SMG7: variants seen among roughly 807,000 people sequenced by gnomAD.
SMG7 encodes nonsense-mediated mRNA decay factor SMG7.
A neutral mutation model predicts 148.2 loss-of-function variants in SMG7; 34 were observed. The ratio of observed to expected loss-of-function variants is 0.23; its 90% CI spans 0.17 to 0.31. The LOEUF (loss-of-function observed/expected upper bound fraction) is 0.31. Among genes scored for constraint, SMG7 ranks in the 10% least tolerant of loss-of-function variants. The pLI is 1.00. For synonymous variants in SMG7, 492 were observed against 515.1 expected, an observed-to-expected ratio of 0.96 and a Z score of 0.61; for missense variants, 1,114 against 1,408.4, an observed-to-expected ratio of 0.79 and a Z score of 3.35.
At chr1:183,533,377 T>G in intron 9 of SMG7, 51 bp downstream of exon 9, 1 of 1,555,628 alleles carries the variant, frequency 6.4e-7, no homozygotes, top group Non-Finnish European at 8.8e-7. Flanking sequence ...AAACATCATC[T>G]TAGGCATTTC....
rs190488142 is a variant in SMG7, at chr1:183,474,382, G to A, written c.29+1733G>A. 2.2e-3 allele frequency among the ~76,000 whole-genome samples: 342 copies of A among 152,308 alleles called. 4 individuals carry two copies. Among genetic ancestry groups the A allele is most frequent in the Admixed American group, 4.1e-3 (63 of 15,312 alleles). ...GTTCAAGACCAGCCTGGCCAGCATGGTGAAACCACGTCTCTACTAAAAATA... is the reference window on the plus strand; with the variant it reads ...GTTCAAGACCAGCCTGGCCAGCATGATGAAACCACGTCTCTACTAAAAATA... On this transcript the variant is annotated intron_variant, in intron 1 of 22. Transcript: ENST00000688051.
intron 18 of SMG7, among the ~76,000 whole-genome samples, chr1:183,548,437 T>G (rs950485430): frequency 6.6e-6 from 1 of 152,218 alleles, no homozygotes; most frequent in African/African-American, 2.4e-5. Context: ...TCCTGTTCCC[T>G]TAGTGTCCCT....
Position 183,552,768 on chromosome 1 carries a change from A to G in SMG7, c.*837A>G. 2 of 1,393,664 alleles carry G rather than the reference A, an allele frequency of 1.4e-6. No homozygotes were observed. The highest frequency in any genetic ancestry group is 1.7e-5 in the South Asian group (1 of 58,772). The allele number at this position is 1,393,664 out of a possible 1,614,324, so 86.3% of individuals were successfully genotyped here. ...TACATTTTACAGTCGCACAGCAAGC[A>G]GTCTCACAGAAGGCAGGCTAGTCCA... On this transcript the variant is annotated 3_prime_UTR_variant, in exon 23 of 23. Coordinates refer to ENST00000688051, the MANE Select transcript of SMG7 (RefSeq NM_001375584.1).
chr1:183,538,753 T>C (rs1340310742), intron 12 of SMG7, among the ~76,000 whole-genome samples: 1 of 152,172 alleles, frequency 6.6e-6, no homozygotes, highest in African/African-American at 2.4e-5. Flanking sequence ...TTCTTTCCTT[T>C]CTTTTTTAAA....
At chr1:183,503,250 G>A (rs1660137739) in intron 1 of SMG7, among the ~76,000 whole-genome samples, 1 of 152,168 alleles carries the variant, frequency 6.6e-6, no homozygotes, top group Non-Finnish European at 1.5e-5. Flanking sequence ...AATAATAAGT[G>A]ATTAAACTAT....
Position 183,527,586 on chromosome 1 carries a change from TC to T in SMG7, c.485-369del, listed in dbSNP as rs568018404. 271 of 461,556 alleles carry T rather than the reference TC, an allele frequency of 5.9e-4. 1 individual carries two copies. The highest frequency in any genetic ancestry group is 4.8e-3 in the African/African-American group (238 of 49,670). 28.6% of individuals were successfully genotyped at this position (461,556 alleles called of 1,614,324 possible). On this transcript the variant is annotated intron_variant, in intron 5 of 22. Coordinates refer to ENST00000688051, the MANE Select transcript of SMG7 (RefSeq NM_001375584.1). The surrounding 1 kb of genome is among the most constrained non-coding windows in gnomAD (Gnocchi z 4.0). ...TATTGAAAAATACATAATTTTCAGA[TC>T]ATATTGTATAGTGTATTTTGTTTTG... is the stretch of plus-strand genomic sequence containing the variant.
intron 1 of SMG7, among the ~76,000 whole-genome samples, chr1:183,511,301 A>G (rs1281188532): frequency 6.6e-6 from 1 of 152,200 alleles, no homozygotes; most frequent in Non-Finnish European, 1.5e-5. Context: ...AAAATCTGTA[A>G]TATGTAATAT....
chr1:183,539,822 A>G (rs72637285), intron 12 of SMG7, among the ~76,000 whole-genome samples: 11,909 of 152,264 alleles, frequency 0.078, 553 homozygotes, highest in East Asian at 0.24. Context: ...TACATAGTTC[A>G]GGCTTTTCTC....
chr1:183,552,557 A>C lies in SMG7; in HGVS notation c.*626A>C. The C allele has an allele frequency of 2.0e-6, 2 of 1,007,668 alleles. No homozygotes were observed. Among genetic ancestry groups the C allele is most frequent in the Non-Finnish European group, 1.2e-6 (1 of 842,684 alleles). 62.4% of individuals were successfully genotyped at this position (1,007,668 alleles called of 1,614,324 possible). A position where few individuals can be genotyped will look rare whatever the true frequency, so the allele number is the denominator to read the frequency against. On this transcript the variant is annotated 3_prime_UTR_variant, in exon 23 of 23. Transcript: ENST00000688051. ...TCTTCAGCCAGTGGAAATGTTCCATAAGGGAGAGTTCAAGGCCTGTCAGAA... is the reference window on the plus strand; with the variant it reads ...TCTTCAGCCAGTGGAAATGTTCCATCAGGGAGAGTTCAAGGCCTGTCAGAA...
intron 2 of SMG7, 105 bp from the exon 3 acceptor site, chr1:183,515,769 G>C: frequency 1.7e-6 from 1 of 588,674 alleles, no homozygotes; most frequent in East Asian, 2.8e-5. Context: ...TTTAGAGCAG[G>C]TTTTGCCTTG....
At position 183,513,705 on chromosome 1, in the gene SMG7, G is replaced by C. The variant is rs1444520297; in HGVS notation, c.61+837G>C. On this transcript the variant is annotated intron_variant, in intron 2 of 22. Transcript: ENST00000688051. ...CTTTAAATAATGGCTGAGGTCTTTT[G>C]GAAGAATAACTGCCAGGCTTAGCCA... Among the ~76,000 whole-genome samples, 4 of 151,900 alleles carry C rather than the reference G, an allele frequency of 2.6e-5. No individual in the cohort carries two copies. The East Asian group carries it at 7.8e-4, about 29-fold the overall frequency.
At chr1:183,540,897 C>A (rs2102720338) in intron 12 of SMG7, 87 bp from the exon 13 acceptor site, 1 of 1,269,512 alleles carries the variant, frequency 7.9e-7, no homozygotes, top group Non-Finnish European at 1.1e-6. Context: ...TAATCTGAAG[C>A]CATTACAGTT....
intron 4 of SMG7, among the ~76,000 whole-genome samples, chr1:183,526,234 C>T (rs1201553179): frequency 2.0e-5 from 3 of 151,074 alleles, no homozygotes; most frequent in African/African-American, 2.4e-5. Context: ...CTGCAACCTC[C>T]GCCTCCTGGG....
chr1:183,526,455 G>A lies in SMG7; in HGVS notation c.313-141G>A, dbSNP rs879207972. ...AGGCGTGAGCCCCTGTGCCAGGCCCGAAAGATTACCATATAATTTTCATGC... is the reference window on the plus strand; with the variant it reads ...AGGCGTGAGCCCCTGTGCCAGGCCCAAAAGATTACCATATAATTTTCATGC... On this transcript the variant is annotated intron_variant, in intron 4 of 22. Coordinates refer to ENST00000688051, the MANE Select transcript of SMG7 (RefSeq NM_001375584.1). 19 of 571,664 alleles carry A rather than the reference G, an allele frequency of 3.3e-5. No individual in the cohort carries two copies. In the South Asian group the frequency reaches 3.7e-4, roughly 11 times the overall value. 35.4% of individuals were successfully genotyped at this position (571,664 alleles called of 1,614,324 possible). A position where few individuals can be genotyped will look rare whatever the true frequency, so the allele number is the denominator to read the frequency against.
At chr1:183,487,579 G>T (rs540903197) in intron 1 of SMG7, among the ~76,000 whole-genome samples, 1 of 152,322 alleles carries the variant, frequency 6.6e-6, no homozygotes, top group South Asian at 2.1e-4. Context: ...AACTCAGCCT[G>T]TGAAGACACT....
Position 183,553,176 on chromosome 1 carries a change from G to A in SMG7, c.*1245G>A. On this transcript the variant is annotated 3_prime_UTR_variant, in exon 23 of 23. Coordinates refer to ENST00000688051, the MANE Select transcript of SMG7 (RefSeq NM_001375584.1). ...AAGAAAACACGACGTCGTCCATTTTGGAAGAGACGAAAGAAAGGAAAATAA... is the reference window on the plus strand; with the variant it reads ...AAGAAAACACGACGTCGTCCATTTTAGAAGAGACGAAAGAAAGGAAAATAA... 13 of 1,536,250 alleles carry A rather than the reference G, an allele frequency of 8.5e-6. No individual in the cohort carries two copies. The highest frequency in any genetic ancestry group is 2.4e-5 in the South Asian group (2 of 84,052).
Position 183,526,749 on chromosome 1 carries a change from G to C in SMG7, c.466G>C (p.Val156Leu). ...TTCCTATATCTGCCAGCACTGCCTC[G>C]TCCACCTTGGAGACATTGGTGAGCC... ...SCSYICQHCL[V>L]HLGDIARYRN... The change falls in exon 5 of 23, where the codon GTC becomes CTC. Residue 156 changes from valine to leucine, a missense_variant. Val to Leu is a conservative substitution (Grantham distance 32). This residue lies in a region of SMG7 where 216 missense variants were observed against 329.1 expected (regional missense o/e 0.66). Coordinates refer to ENST00000688051, the MANE Select transcript of SMG7 (RefSeq NM_001375584.1). 6.2e-7 allele frequency: 1 copy of C among 1,612,914 alleles called. No individual in the cohort carries two copies. Among genetic ancestry groups the C allele is most frequent in the Non-Finnish European group, 8.5e-7 (1 of 1,179,458 alleles).
At position 183,502,284 on chromosome 1, in the gene SMG7, T is replaced by G. The variant is rs551730334; in HGVS notation, c.30-10553T>G. ...TTAAACCATTCTACCTTATGAGAAA[T>G]TGGATGTTCTTGCAGATAGTCATTG... On this transcript the variant is annotated intron_variant, in intron 1 of 22. Coordinates refer to ENST00000688051, the MANE Select transcript of SMG7 (RefSeq NM_001375584.1). 6 of 1,533,566 alleles carry G rather than the reference T, an allele frequency of 3.9e-6. No individual in the cohort carries two copies. In the African/African-American group the frequency reaches 8.2e-5, roughly 21 times the overall value. 95.0% of individuals were successfully genotyped at this position (1,533,566 alleles called of 1,614,324 possible). A position where few individuals can be genotyped will look rare whatever the true frequency, so the allele number is the denominator to read the frequency against.
intron 1 of SMG7, among the ~76,000 whole-genome samples, chr1:183,506,134 T>G (rs1046424294): frequency 1.3e-5 from 2 of 152,194 alleles, no homozygotes; most frequent in African/African-American, 4.8e-5. Context: ...CTGTTATTTC[T>G]TCTGCTTGGA....
Sources: gnomAD v4.1 joint callset for allele counts (sites outside exome capture counted in the v4.1 genomes callset) on GRCh38, gnomAD v4.1.1 for gene constraint, gnomAD v4.1.1 regional missense constraint, Gnocchi (gnomAD v3.1) non-coding constraint, MANE v1.5 for transcripts, NCBI Gene and HGNC (gene_info 2026-07-23, HGNC 2026-07-21) for gene names.